Variants in CCDC57 observed in about 807,000 individuals in gnomAD.
CCDC57 encodes the protein coiled-coil domain containing 57, also known as coiled-coil domain-containing protein 57.
A neutral mutation model predicts 118.9 loss-of-function variants in CCDC57; 118 were observed. That is an observed-to-expected ratio of 0.99 (90% confidence interval 0.86 to 1.16). The LOEUF (loss-of-function observed/expected upper bound fraction) is 1.16. Among genes scored for constraint, CCDC57 ranks in the 50% most tolerant of loss-of-function variants. CCDC57 has a pLI of 0.00. For missense variants in CCDC57, 1,300 were observed against 1,320.7 expected (o/e 0.98, Z 0.24); for synonymous variants, 527 against 532.9 (o/e 0.99, Z 0.15).
rs1489257361 is a variant in CCDC57 at position 82,101,642 on chromosome 17, C to T, written c.*40G>A. The T allele has an allele frequency of 3.3e-6, 5 of 1,510,782 alleles. No homozygotes were observed. In the South Asian group the frequency reaches 4.7e-5, roughly 14 times the overall value. The allele number at this position is 1,510,782 out of a possible 1,614,324, so 93.6% of individuals were successfully genotyped here. On this transcript the variant is annotated 3_prime_UTR_variant, in exon 20 of 20. Coordinates refer to ENST00000665763, the Ensembl canonical transcript of CCDC57. ...TGAAAGCACAGGCACCATGCGGAGG[C>T]CCCGAGCACCCCTTAGTGGGGCGGG...
chr17:82,178,661 C>T, intron 10 of CCDC57, 56 bp from the exon 10 acceptor site: 1 of 1,587,012 alleles, frequency 6.3e-7, no homozygotes. Flanking sequence ...GCTCCCATGC[C>T]TGCTGAGGCT....
At chr17:82,159,613 G>C (rs1219404521) in intron 14 of CCDC57, among the ~76,000 whole-genome samples, 1 of 152,078 alleles carries the variant, frequency 6.6e-6, no homozygotes, top group Non-Finnish European at 1.5e-5. Flanking sequence ...TTCCAGTGTG[G>C]GCATGTTTCA....
chr17:82,157,986 A>G (rs1298903837), intron 14 of CCDC57, 38 bp from the exon 14 acceptor site: 3 of 1,536,416 alleles, frequency 2.0e-6, no homozygotes, highest in Non-Finnish European at 2.6e-6. Context: ...GGAATGAGGC[A>G]GTGGCTGGGC....
intron 19 of CCDC57, among the ~76,000 whole-genome samples, chr17:82,120,901 G>A (rs1239666280): frequency 2.0e-5 from 3 of 152,074 alleles, no homozygotes; most frequent in Non-Finnish European, 4.4e-5. Context: ...GACTACAGGC[G>A]TCCGCCACCA....
chr17:82,207,044 T>TTA (rs2049745674), intron 2 of CCDC57, among the ~76,000 whole-genome samples: 1 of 152,110 alleles, frequency 6.6e-6, no homozygotes, highest in African/African-American at 2.4e-5. Context: ...AGCCAAAAGA[T>TTA]TAGAAATTAT....
intron 19 of CCDC57, among the ~76,000 whole-genome samples, chr17:82,103,225 C>T (rs564196793): frequency 6.6e-6 from 1 of 152,358 alleles, no homozygotes; most frequent in South Asian, 2.1e-4. Context: ...ATCTCAGCTT[C>T]TTCCACTCCG....
intron 16 of CCDC57, among the ~76,000 whole-genome samples, chr17:82,151,217 C>A (rs57500302): frequency 0.39 from 17,351 of 44,698 alleles, 5,677 homozygotes; most frequent in East Asian, 0.86. Flanking sequence ...AGAACCTGAC[C>A]CACACCCAGA....
chr17:82,135,108 T>G (rs1598797519), intron 16 of CCDC57: 1 of 42,400 alleles, frequency 2.4e-5, no homozygotes, highest in Non-Finnish European at 4.5e-5. Context: ...GAAACAGACA[T>G]TTTTTTTTTT....
At chr17:82,105,780 G>T (rs1471314023) in intron 19 of CCDC57, among the ~76,000 whole-genome samples, 2 of 152,216 alleles carry the variant, frequency 1.3e-5, no homozygotes, top group Non-Finnish European at 2.9e-5. Flanking sequence ...GCTATGTCCA[G>T]CTGCCTTCCC....
intron 16 of CCDC57, among the ~76,000 whole-genome samples, chr17:82,151,057 G>T (rs1455829454): frequency 4.5e-5 from 1 of 22,410 alleles, no homozygotes; most frequent in South Asian, 1.9e-3. Context: ...AACCTGACCC[G>T]CACCCAGAAC....
intron 16 of CCDC57, among the ~76,000 whole-genome samples, chr17:82,149,289 G>T (rs1427548042): frequency 2.0e-5 from 3 of 151,548 alleles, no homozygotes; most frequent in South Asian, 2.1e-4. Context: ...TGGATAGATG[G>T]ATGGGTGGTT....
At chr17:82,148,924 G>A (rs1458527573) in intron 16 of CCDC57, among the ~76,000 whole-genome samples, 1 of 79,680 alleles carries the variant, frequency 1.3e-5, no homozygotes, top group Admixed American at 1.6e-4. Flanking sequence ...AGATAGGTGG[G>A]TGGATGGATG....
chr17:82,159,602 C>A (rs8078102), intron 14 of CCDC57, among the ~76,000 whole-genome samples: 116,648 of 151,902 alleles, frequency 0.77, 45,017 homozygotes, highest in East Asian at 0.95. Context: ...TCATTTAGCC[C>A]TTCCAGTGTG....
chr17:82,101,631 C>G, exon 20 of CCDC57: 1 of 1,433,158 alleles, frequency 7.0e-7, no homozygotes, highest in Non-Finnish European at 9.6e-7. Flanking sequence ...AGCACAGGCA[C>G]CATGCGGAGG....
chr17:82,206,402 A>G (rs990556251), intron 2 of CCDC57, among the ~76,000 whole-genome samples: 4 of 152,190 alleles, frequency 2.6e-5, no homozygotes, highest in Non-Finnish European at 5.9e-5. Context: ...GAATCCTTCC[A>G]GGTCTCCACT....
chr17:82,136,280 C>G (rs1568215353), intron 16 of CCDC57, among the ~76,000 whole-genome samples: 1 of 152,314 alleles, frequency 6.6e-6, no homozygotes, highest in East Asian at 1.9e-4. Context: ...TGCAGACGCC[C>G]CAGCACGAGG....
At chr17:82,145,274 C>T (rs1240630952) in intron 16 of CCDC57, among the ~76,000 whole-genome samples, 12 of 144,194 alleles carry the variant, frequency 8.3e-5, no homozygotes, top group Non-Finnish European at 1.7e-4. Flanking sequence ...GGTGATCAGG[C>T]GGTGGCTCAC....
chr17:82,195,748 G>T (rs60686130), intron 4 of CCDC57, among the ~76,000 whole-genome samples: 2,127 of 152,238 alleles, frequency 0.014, 39 homozygotes, highest in African/African-American at 0.048. Context: ...AAACTGACAA[G>T]CACGTAAGAC....
At chr17:82,143,857 A>G (rs990061189) in intron 16 of CCDC57, among the ~76,000 whole-genome samples, 5 of 151,508 alleles carry the variant, frequency 3.3e-5, no homozygotes, top group African/African-American at 7.3e-5. Flanking sequence ...CCAGAACTTC[A>G]GGAGGCCAAG....
Sources: allele counts gnomAD v4.1 joint callset (sites outside exome capture counted in the v4.1 genomes callset), GRCh38; gene constraint gnomAD v4.1.1; transcripts MANE v1.5; gene names NCBI Gene and HGNC (gene_info 2026-07-23, HGNC 2026-07-21).